Variants in ERAP2 observed in about 807,000 individuals in gnomAD.
The protein encoded by ERAP2 is endoplasmic reticulum aminopeptidase 2.
A neutral mutation model predicts 111.1 loss-of-function variants in ERAP2; 118 were observed. That is an observed-to-expected ratio of 1.06 (90% CI 0.92 to 1.24). The LOEUF (loss-of-function observed/expected upper bound fraction) is 1.24. ERAP2 is among the 50% of genes most tolerant of loss of function. ERAP2 has a pLI of 0.00. For missense variants in ERAP2, 1,131 were observed against 1,125.8 expected, an observed-to-expected ratio of 1.00 and a Z score of -0.07; for synonymous variants, 410 against 401.2, an observed-to-expected ratio of 1.02 and a Z score of -0.26.
In ERAP2 at chr5:96,905,819, G is replaced by A. The variant is rs556427481; in HGVS notation, c.2012+2259G>A. On this transcript the variant is annotated intron_variant, in intron 13 of 18. Transcript: ENST00000437043. ...GAATCGCTTGAACCCAGAAGATCAC[G>A]CCACTGAACTCCAGCCTGGGTGACC... Among the ~76,000 whole-genome samples the A allele has an allele frequency of 5.3e-5, 8 of 152,144 alleles. 1 individual carries two copies. The South Asian group carries it at 1.5e-3, about 28-fold the overall frequency.
intron 6 of ERAP2, among the ~76,000 whole-genome samples, chr5:96,894,112 A>G (rs1319720995): frequency 6.6e-6 from 1 of 152,216 alleles, no homozygotes; most frequent in Non-Finnish European, 1.5e-5. Context: ...GTATTGAGGC[A>G]GTGGCTATAT....
rs144029642 is a variant in ERAP2 at position 96,877,267 on chromosome 5, G to T, written c.-123+740G>T. ...TGGCATTACAGACCTGAGTCACTGT[G>T]CCCGGTCCTGTTTCTTTATCTGAAC... On this transcript the variant is annotated intron_variant, in intron 1 of 18. Transcript: ENST00000437043. Among the ~76,000 whole-genome samples, 282 of 152,246 alleles carry T rather than the reference G, an allele frequency of 1.9e-3. 1 individual carries two copies. Among genetic ancestry groups the T allele is most frequent in the African/African-American group, 6.6e-3 (274 of 41,540 alleles).
intron 1 of ERAP2, among the ~76,000 whole-genome samples, chr5:96,877,337 T>C (rs771408563): frequency 6.6e-4 from 101 of 152,214 alleles, no homozygotes; most frequent in Non-Finnish European, 1.4e-3. Context: ...TTACTAGTTC[T>C]AAAGTTAAAG....
Position 96,879,853 on chromosome 5 carries a change from C to A in ERAP2, c.168C>A (p.Ala56=), listed in dbSNP as rs1469415689. The change falls in exon 2 of 19, where the codon GCC becomes GCA. Residue 56 remains alanine (A), a synonymous_variant. Transcript: ENST00000437043. Reference sequence around the variant, plus strand: ...AGGATCCTGGGGCTTTCCCAGTAGCCACTAATGGGGAACGATTTCCTTGGC... The same window carrying A: ...AGGATCCTGGGGCTTTCCCAGTAGCAACTAATGGGGAACGATTTCCTTGGC... The part of the protein sequence containing the change: ...FTEDPGAFPV[A]TNGERFPWQE... 2 of 1,614,046 alleles carry A rather than the reference C, an allele frequency of 1.2e-6. No homozygotes were observed. The highest frequency in any genetic ancestry group is 4.5e-5 in the East Asian group (2 of 44,898).
Position 96,901,689 on chromosome 5 carries a change from C to G in ERAP2, c.1748+8C>G. ...GAGGGCCCTGCAGGAGAGGTGGCTG[C>G]TTTTCTTCTTTAGGTCTAGCTTACC... On this transcript the variant is annotated splice_region_variant and intron_variant, in intron 11 of 18. Transcript: ENST00000437043. 1 of 1,612,600 alleles carries G rather than the reference C, an allele frequency of 6.2e-7. No homozygotes were observed. The highest frequency in any genetic ancestry group is 1.1e-5 in the South Asian group (1 of 90,996).
intron 15 of ERAP2, among the ~76,000 whole-genome samples, chr5:96,910,634 T>C (rs2113191): frequency 0.54 from 82,393 of 152,000 alleles, 22,402 homozygotes; most frequent in Admixed American, 0.59. Flanking sequence ...TGCAGTAACC[T>C]ACCTACAGTA....
At chr5:96,884,786 C>T (rs1783554323) in intron 3 of ERAP2, among the ~76,000 whole-genome samples, 1 of 152,156 alleles carries the variant, frequency 6.6e-6, no homozygotes, top group East Asian at 1.9e-4. Flanking sequence ...GTCTCAAACT[C>T]AGGGACCCTG....
At position 96,912,760 on chromosome 5, in the gene ERAP2, T is replaced by C. The variant is rs773225677; in HGVS notation, c.2478T>C (p.Tyr826=). The C allele has an allele frequency of 4.4e-6, 7 of 1,601,694 alleles. No individual in the cohort carries two copies. The highest frequency in any genetic ancestry group is 2.3e-5 in the East Asian group (1 of 44,348). ...GTGCTGAACAAAACAAAATTCTGTA[T>C]GCTTTGTCAACGAGCAAGCATCAGG... ...MSSAEQNKIL[Y]ALSTSKHQEK... is the part of the protein sequence containing the mutation. Residue 826 remains tyrosine (Y), a synonymous_variant, in exon 16 of 19, where the codon TAT becomes TAC. Coordinates refer to ENST00000437043, the MANE Select transcript of ERAP2 (RefSeq NM_022350.5).
intron 2 of ERAP2, chr5:96,881,387 C>T (rs1484267573): frequency 6.6e-6 from 3 of 455,312 alleles, no homozygotes; most frequent in Non-Finnish European, 1.3e-5. Context: ...AGATTGCTGA[C>T]ATATTGGTCA....
At chr5:96,901,286 A>G (rs540082343) in intron 10 of ERAP2, among the ~76,000 whole-genome samples, 26 of 152,130 alleles carry the variant, frequency 1.7e-4, no homozygotes, top group African/African-American at 5.8e-4. Context: ...TCACCCTACT[A>G]TATCCTGTAT....
Position 96,896,509 on chromosome 5 carries a change from T to C in ERAP2, c.1371+5T>C, listed in dbSNP as rs1456610492. ...GATGAAGTTTCCTATAACAAGGTAG[T>C]AAATATCAGGTGCAGGTGGAAGCTC... On this transcript the variant is annotated splice_donor_5th_base_variant and intron_variant, in intron 8 of 18. Coordinates refer to ENST00000437043, the MANE Select transcript of ERAP2 (RefSeq NM_022350.5). The C allele has an allele frequency of 6.2e-7, 1 of 1,611,554 alleles. No individual in the cohort carries two copies. Among genetic ancestry groups the C allele is most frequent in the Admixed American group, 1.7e-5 (1 of 59,550 alleles).
chr5:96,896,930 G>T (rs1183417568), intron 9 of ERAP2, 67 bp downstream of exon 9: 1 of 1,456,706 alleles, frequency 6.9e-7, no homozygotes, highest in Non-Finnish European at 9.1e-7. Flanking sequence ...AATTGTGAAT[G>T]TTTATAAATA....
chr5:96,907,288 T>C (rs760544210), intron 13 of ERAP2, among the ~76,000 whole-genome samples: 1 of 152,140 alleles, frequency 6.6e-6, no homozygotes, highest in Non-Finnish European at 1.5e-5. Context: ...TCAGTAACTA[T>C]ATAAAAAGAA....
Position 96,880,021 on chromosome 5 carries a change from C to A in ERAP2, c.336C>A (p.Ser112Arg), listed in dbSNP as rs139129312. 5 of 1,613,986 alleles carry A rather than the reference C, an allele frequency of 3.1e-6. No individual in the cohort carries two copies. In the African/African-American group the frequency reaches 6.7e-5, roughly 22 times the overall value. Reference sequence around the variant, plus strand: ...CTACCCAGTTTATCATCTTGCACAGCAAAGATCTTGAAATCACGAATGCCA... The same window carrying A: ...CTACCCAGTTTATCATCTTGCACAGAAAAGATCTTGAAATCACGAATGCCA... ...SNATQFIILH[S>R]KDLEITNATL... The change falls in exon 2 of 19, where the codon AGC becomes AGA. Residue 112 changes from serine to arginine, a missense_variant. Physicochemically the swap from Ser to Arg is moderately radical, Grantham distance 110. Transcript: ENST00000437043.
chr5:96,898,508 G>A (rs3096168), intron 9 of ERAP2, among the ~76,000 whole-genome samples: 73,965 of 148,526 alleles, frequency 0.5, 18,573 homozygotes, highest in Middle Eastern at 0.57. Flanking sequence ...TTGGGAGACC[G>A]AGGTGGGCAA....
chr5:96,911,041 G>A (rs993558742), intron 15 of ERAP2, among the ~76,000 whole-genome samples: 3 of 152,190 alleles, frequency 2.0e-5, no homozygotes, highest in African/African-American at 7.2e-5. Flanking sequence ...TTATTCAAAT[G>A]TCACTTGGGG....
intron 2 of ERAP2, 145 bp from the exon 3 acceptor site, chr5:96,883,647 G>A (rs977601883): frequency 1.0e-5 from 8 of 779,360 alleles, no homozygotes; most frequent in South Asian, 8.0e-5. Context: ...TTTCCTCAAA[G>A]AGACAGTTGA....
rs1197731981 is a variant in ERAP2 at position 96,917,596 on chromosome 5, T to C, written c.2874T>C (p.Val958=). 1 of 1,611,474 alleles carries C rather than the reference T, an allele frequency of 6.2e-7. No homozygotes were observed. The highest frequency in any genetic ancestry group is 1.3e-5 in the African/African-American group (1 of 74,770). ...NLPTLRTWLM[V]NT is the part of the protein sequence containing the mutation. ...CGACTCTGAGGACTTGGCTAATGGTTAATACTTAAATGGTCAATAGAAAAA... is the reference window on the plus strand; with the variant it reads ...CGACTCTGAGGACTTGGCTAATGGTCAATACTTAAATGGTCAATAGAAAAA... The change falls in exon 19 of 19, where the codon GTT becomes GTC. Residue 958 remains valine, a synonymous_variant. Coordinates refer to ENST00000437043, the MANE Select transcript of ERAP2 (RefSeq NM_022350.5).
intron 1 of ERAP2, among the ~76,000 whole-genome samples, chr5:96,878,305 T>G (rs1327286638): frequency 6.6e-6 from 1 of 152,176 alleles, no homozygotes; most frequent in Non-Finnish European, 1.5e-5. Flanking sequence ...AAACTGGGGA[T>G]AAATACCTAC....
Sources: allele counts gnomAD v4.1 joint callset (sites outside exome capture counted in the v4.1 genomes callset), GRCh38; gene constraint gnomAD v4.1.1; transcripts MANE v1.5; gene names NCBI Gene and HGNC (gene_info 2026-07-23, HGNC 2026-07-21).